Variants in CYP20A1 observed in about 807,000 individuals in gnomAD.
CYP20A1 encodes the protein cytochrome P450 family 20 subfamily A member 1.
Under a neutral mutation model 61.4 loss-of-function variants are expected in CYP20A1, and 61 were observed. The observed-to-expected ratio is 0.99, with a 90% confidence interval of 0.81 to 1.23. CYP20A1 has a LOEUF of 1.23. Among genes scored for constraint, CYP20A1 ranks in the 50% most tolerant of loss-of-function variants. The pLI, the probability that CYP20A1 is intolerant of heterozygous loss-of-function variation, is 0.00. For missense variants in CYP20A1, 530 were observed against 542.4 expected, an observed-to-expected ratio of 0.98 and a Z score of 0.23; for synonymous variants, 193 against 188.2, an observed-to-expected ratio of 1.03 and a Z score of -0.21.
At chr2:203,263,528 T>C (rs1263831708) in intron 4 of CYP20A1, among the ~76,000 whole-genome samples, 3 of 152,060 alleles carry the variant, frequency 2.0e-5, no homozygotes, top group African/African-American at 7.3e-5. Flanking sequence ...GACCTCATGA[T>C]CTGCCCGCCT....
chr2:203,239,272 C>A, intron 1 of CYP20A1, 138 bp downstream of exon 1: 2 of 708,642 alleles, frequency 2.8e-6, no homozygotes, highest in Non-Finnish European at 4.8e-6. Context: ...AGAGCTTCAG[C>A]GCGGGGACCG....
chr2:203,245,783 G>C, intron 1 of CYP20A1, 63 bp from the exon 2 acceptor site: 3 of 927,734 alleles, frequency 3.2e-6, no homozygotes, highest in Non-Finnish European at 5.0e-6. Flanking sequence ...AGATGTGTTG[G>C]TGAAACACAT....
rs532330335 is a variant in CYP20A1 at position 203,305,421 on chromosome 2, C to T, written c.*8513C>T. 2 of 151,924 alleles carry T rather than the reference C, an allele frequency of 1.3e-5. No individual in the cohort carries two copies. The highest frequency in any genetic ancestry group is 2.4e-5 in the African/African-American group (1 of 41,418). The allele number at this position is 151,924 out of a possible 1,614,324, so 9.4% of individuals were successfully genotyped here. A position where few individuals can be genotyped will look rare whatever the true frequency, so the allele number is the denominator to read the frequency against. On this transcript the variant is annotated 3_prime_UTR_variant, in exon 13 of 13. Coordinates refer to ENST00000356079, the MANE Select transcript of CYP20A1 (RefSeq NM_177538.3). ...TTCACCATGTTTGCCAGGATGGTCT[C>T]GATCTCTTGTGCTCATAATCTACCT...
Position 203,297,031 on chromosome 2 carries a change from A to G in CYP20A1, c.*123A>G, listed in dbSNP as rs895584568. ...TAATATAAACACCTATTTGTACTTA[A>G]TTTTGTAAATTTGGATTTTTATATA... On this transcript the variant is annotated 3_prime_UTR_variant, in exon 13 of 13. Coordinates refer to ENST00000356079, the MANE Select transcript of CYP20A1 (RefSeq NM_177538.3). 4.8e-5 allele frequency: 28 copies of G among 580,562 alleles called. No homozygotes were observed. Among genetic ancestry groups the G allele is most frequent in the Non-Finnish European group, 6.7e-5 (23 of 345,150 alleles). 36.0% of individuals were successfully genotyped at this position (580,562 alleles called of 1,614,324 possible).
intron 9 of CYP20A1, among the ~76,000 whole-genome samples, chr2:203,288,665 T>A (rs1418106903): frequency 6.6e-6 from 1 of 152,206 alleles, no homozygotes; most frequent in Non-Finnish European, 1.5e-5. Flanking sequence ...TTGTTGTTTT[T>A]GATGTTACAA....
intron 9 of CYP20A1, among the ~76,000 whole-genome samples, chr2:203,288,245 T>A (rs543843394): frequency 3.3e-5 from 5 of 151,770 alleles, no homozygotes; most frequent in Admixed American, 2.0e-4. Flanking sequence ...TTTGTATTTT[T>A]AGTAGACACA....
At chr2:203,293,652 G>A (rs114863726) in intron 11 of CYP20A1, among the ~76,000 whole-genome samples, 12,817 of 151,594 alleles carry the variant, frequency 0.085, 726 homozygotes, top group Non-Finnish European at 0.12. Flanking sequence ...TGGTGCAACC[G>A]TCACCCAAGC....
At chr2:203,268,603 T>TG (rs1317833766) in intron 5 of CYP20A1, among the ~76,000 whole-genome samples, 3 of 151,840 alleles carry the variant, frequency 2.0e-5, no homozygotes, top group Admixed American at 6.6e-5. Context: ...TGTTTTTTTT[T>TG]TTGTTTGTTT....
intron 9 of CYP20A1, 33 bp from the exon 10 acceptor site, chr2:203,289,732 T>G (rs1575267341): frequency 7.7e-7 from 1 of 1,296,722 alleles, no homozygotes; most frequent in Non-Finnish European, 1.1e-6. Context: ...CCTCCCAAAA[T>G]AAACATCTTC....
Position 203,242,086 on chromosome 2 carries a change from C to T in CYP20A1, c.72+2952C>T, listed in dbSNP as rs192214008. On this transcript the variant is annotated intron_variant, in intron 1 of 12. Transcript: ENST00000356079. ...CGAACTCCTGACCTCAAGTGATCTG[C>T]CCACCTTGGCCTCCCAAAGCACTGG... is the stretch of plus-strand genomic sequence containing the variant. Among the ~76,000 whole-genome samples, 7 of 152,306 alleles carry T rather than the reference C, an allele frequency of 4.6e-5. No individual in the cohort carries two copies. The East Asian group carries it at 1.2e-3, about 25-fold the overall frequency.
chr2:203,285,573 T>C, intron 8 of CYP20A1, 39 bp from the exon 9 acceptor site: 1 of 1,497,786 alleles, frequency 6.7e-7, no homozygotes, highest in Non-Finnish European at 8.8e-7. Flanking sequence ...AGCCATGAGT[T>C]AGCTATTTTC....
chr2:203,258,577 TC>T (rs1230540915), intron 4 of CYP20A1, among the ~76,000 whole-genome samples: 1 of 152,136 alleles, frequency 6.6e-6, no homozygotes, highest in African/African-American at 2.4e-5. Flanking sequence ...AACAAGACCT[TC>T]CTTTGCCTGT....
chr2:203,263,150 G>A (rs2067200568), intron 4 of CYP20A1, among the ~76,000 whole-genome samples: 4 of 151,242 alleles, frequency 2.6e-5, no homozygotes, highest in African/African-American at 4.9e-5. Context: ...CACTATGCCC[G>A]GATAATTTTT....
Position 203,280,039 on chromosome 2 carries a change from A to G in CYP20A1, c.796-20A>G, listed in dbSNP as rs1287408749. On this transcript the variant is annotated intron_variant, in intron 7 of 12. Transcript: ENST00000356079. ...TACCTTACATTTTTCACACTTTCTA[A>G]ACTTAGTTTTGTTTCCTAGATCCTA... The G allele has an allele frequency of 1.1e-5, 18 of 1,590,942 alleles. No homozygotes were observed. The highest frequency in any genetic ancestry group is 1.5e-5 in the Non-Finnish European group (18 of 1,166,870).
At chr2:203,263,294 T>TGCC (rs1559093522) in intron 4 of CYP20A1, among the ~76,000 whole-genome samples, 17 of 146,040 alleles carry the variant, frequency 1.2e-4, no homozygotes, top group African/African-American at 2.8e-4. Context: ...TGGCTTTTTT[T>TGCC]TTTTTTTTAA....
chr2:203,248,406 C>T (rs1042986285), intron 3 of CYP20A1, among the ~76,000 whole-genome samples: 4 of 151,666 alleles, frequency 2.6e-5, no homozygotes, highest in African/African-American at 9.7e-5. Context: ...TGGTGATGTG[C>T]GCCTGTAATC....
chr2:203,269,600 T>A (rs1483150475), intron 5 of CYP20A1, among the ~76,000 whole-genome samples: 1 of 151,656 alleles, frequency 6.6e-6, no homozygotes, highest in East Asian at 1.9e-4. Flanking sequence ...GTTAAAGCGA[T>A]TCTCCTGCCT....
rs1267948219 is a variant in CYP20A1, at chr2:203,283,550, AT to A, written c.851-2045del. Among the ~76,000 whole-genome samples, 1,058 of 112,786 alleles carry A rather than the reference AT, an allele frequency of 9.4e-3. 7 individuals carry two copies. The highest frequency in any genetic ancestry group is 0.022 in the African/African-American group (648 of 29,824). The allele number at this position is 112,786 out of a possible 152,430, so 74.0% of individuals were successfully genotyped here. A position where few individuals can be genotyped will look rare whatever the true frequency, so the allele number is the denominator to read the frequency against. ...TTATTAAATTCATATTGTTATATTA[AT>A]TTTTTTTTTTTTTTTTGAGACTGAG... On this transcript the variant is annotated intron_variant, in intron 8 of 12. Coordinates refer to ENST00000356079, the MANE Select transcript of CYP20A1 (RefSeq NM_177538.3).
rs374531910 is a variant in CYP20A1, at chr2:203,246,921, T to A, written c.289T>A (p.Ser97Thr). 3.1e-6 allele frequency: 5 copies of A among 1,609,286 alleles called. No homozygotes were observed. The highest frequency in any genetic ancestry group is 4.2e-6 in the Non-Finnish European group (5 of 1,178,724). ...LKQHINPNKT[S>T]DPFETMLKSL... ...GCAGCATATCAATCCCAATAAGACATGTAAGTTTAATTTTCTTTCTAATTA... is the reference window on the plus strand; with the variant it reads ...GCAGCATATCAATCCCAATAAGACAAGTAAGTTTAATTTTCTTTCTAATTA... The change falls in exon 3 of 13, where the codon TCG (serine) becomes ACG (threonine). Residue 97 changes from serine (S) to threonine (T), a missense_variant and splice_region_variant. By Grantham distance (58) the Ser-to-Thr change is moderately conservative. Transcript: ENST00000356079.
Sources: gnomAD v4.1 joint callset for allele counts (sites outside exome capture counted in the v4.1 genomes callset) on GRCh38, gnomAD v4.1.1 for gene constraint, MANE v1.5 for transcripts, NCBI Gene and HGNC (gene_info 2026-07-23, HGNC 2026-07-21) for gene names.